MIOS: variants seen among roughly 807,000 people sequenced by gnomAD.
MIOS encodes the protein GATOR2 complex protein MIOS.
MIOS carries 52 observed loss-of-function variants against 96.9 expected under a neutral mutation model. That is an observed-to-expected ratio of 0.54 (90% CI 0.43 to 0.68). The LOEUF is 0.68. MIOS is among the 30% of genes least tolerant of loss of function. The probability of loss-of-function intolerance (pLI) is 0.00; values close to 1 mark genes in which losing one functional copy is unlikely to be tolerated. For synonymous variants in MIOS, 397 were observed against 359.5 expected, an observed-to-expected ratio of 1.10 and a Z score of -1.18; for missense variants, 1,005 against 1,052.8, an observed-to-expected ratio of 0.95 and a Z score of 0.63.
At chr7:7,590,272 A>T (rs1052013181) in intron 9 of MIOS, among the ~76,000 whole-genome samples, 1 of 152,184 alleles carries the variant, frequency 6.6e-6, no homozygotes, top group African/African-American at 2.4e-5. Flanking sequence ...TTGTGCATAT[A>T]TAGAGACACT....
chr7:7,603,938 C>A (rs1057226416), intron 11 of MIOS, among the ~76,000 whole-genome samples: 54 of 152,112 alleles, frequency 3.6e-4, no homozygotes, highest in African/African-American at 1.3e-3. Context: ...TGGAAACCAT[C>A]ATTCTCAGCA....
chr7:7,589,601 A>G, intron 9 of MIOS, 38 bp downstream of exon 9: 3 of 1,565,636 alleles, frequency 1.9e-6, no homozygotes, highest in Non-Finnish European at 2.6e-6. Flanking sequence ...AAAAAGTAAC[A>G]ATATTCTATA....
chr7:7,578,486 TGTCTCTC>T (rs1783608143), intron 5 of MIOS, among the ~76,000 whole-genome samples: 2 of 152,178 alleles, frequency 1.3e-5, no homozygotes, highest in African/African-American at 4.8e-5. Flanking sequence ...ATAGAGACCC[TGTCTCTC>T]TTTTTCTTTA....
chr7:7,573,019 G>A lies in MIOS; in HGVS notation c.544G>A (p.Gly182Arg), dbSNP rs778301974. The stretch of plus-strand genomic sequence containing the variant: ...AGTAACAAAACCACTTTATGAGTTA[G>A]GACAGAATGATGCTTGTCTGTCTCT... ...LLVTKPLYEL[G>R]QNDACLSLCW... is the part of the protein sequence containing the mutation. The change falls in exon 4 of 13, where the codon GGA becomes AGA. Residue 182 changes from glycine (G) to arginine (R), a missense_variant. Transcript: ENST00000340080. This position sits in a 1 kb window ranked among gnomAD's most constrained non-coding sequence, Gnocchi z 5.0. 1 of 1,613,864 alleles carries A rather than the reference G, an allele frequency of 6.2e-7. No individual in the cohort carries two copies. Among genetic ancestry groups the A allele is most frequent in the African/African-American group, 1.3e-5 (1 of 74,906 alleles).
chr7:7,587,067 G>C (rs1459766278), intron 7 of MIOS, among the ~76,000 whole-genome samples: 1 of 150,216 alleles, frequency 6.7e-6, no homozygotes, highest in African/African-American at 2.5e-5. Context: ...CTGGAGTGCA[G>C]TGGTGCAATG....
chr7:7,593,357 A>G (rs1219030679), intron 9 of MIOS, among the ~76,000 whole-genome samples: 1 of 152,150 alleles, frequency 6.6e-6, no homozygotes, highest in Non-Finnish European at 1.5e-5. Context: ...ATGTTGCTTC[A>G]GTTTTTGATT....
chr7:7,570,662 A>G (rs1444306162), intron 3 of MIOS, among the ~76,000 whole-genome samples: 1 of 151,846 alleles, frequency 6.6e-6, no homozygotes, highest in Non-Finnish European at 1.5e-5. Context: ...GTGACAGATC[A>G]TCAGGCATTA....
intron 7 of MIOS, among the ~76,000 whole-genome samples, chr7:7,586,896 T>C (rs1240000089): frequency 6.6e-6 from 1 of 152,184 alleles, no homozygotes; most frequent in African/African-American, 2.4e-5. Flanking sequence ...AAGTGGATTG[T>C]TAACTTCTGA....
intron 9 of MIOS, among the ~76,000 whole-genome samples, chr7:7,593,657 G>A (rs1413031900): frequency 6.6e-6 from 1 of 151,912 alleles, no homozygotes; most frequent in African/African-American, 2.4e-5. Flanking sequence ...ACTTTGGGAG[G>A]CCGAGGTGGG....
chr7:7,582,250 ATTTAG>A (rs1216488685), intron 5 of MIOS, among the ~76,000 whole-genome samples: 3 of 152,242 alleles, frequency 2.0e-5, no homozygotes, highest in African/African-American at 7.2e-5. Flanking sequence ...CTAATTCATA[ATTTAG>A]TTTATTCTGA....
chr7:7,584,916 T>C (rs886843195), intron 6 of MIOS, among the ~76,000 whole-genome samples: 1 of 152,180 alleles, frequency 6.6e-6, no homozygotes, highest in Non-Finnish European at 1.5e-5. Flanking sequence ...AAATGCTTTC[T>C]TGCAAATGGG....
At chr7:7,593,907 GAAA>G (rs1291964281) in intron 9 of MIOS, among the ~76,000 whole-genome samples, 1 of 124,122 alleles carries the variant, frequency 8.1e-6, no homozygotes, top group African/African-American at 3.5e-5. Context: ...AAAAAGAAAA[GAAA>G]AAAAGAAAAC....
Position 7,608,837 on chromosome 7 carries a change from T to C in MIOS, c.*1745T>C, listed in dbSNP as rs940820278. On this transcript the variant is annotated 3_prime_UTR_variant, in exon 13 of 13. Transcript: ENST00000340080. The stretch of plus-strand genomic sequence containing the variant: ...TAAAACATGAATGTAAAGTCTATTA[T>C]GTAATATGCTTATTTGTAATCCTAA... The C allele has an allele frequency of 4.6e-5, 7 of 152,064 alleles. No individual in the cohort carries two copies. The highest frequency in any genetic ancestry group is 1.7e-4 in the African/African-American group (7 of 41,448). 9.4% of individuals were successfully genotyped at this position (152,064 alleles called of 1,614,324 possible).
At chr7:7,581,145 A>G (rs1783711235) in intron 5 of MIOS, among the ~76,000 whole-genome samples, 1 of 150,512 alleles carries the variant, frequency 6.6e-6, no homozygotes, top group African/African-American at 2.4e-5. Flanking sequence ...AACATGGCGA[A>G]ACCCGGTCTC....
intron 7 of MIOS, 122 bp downstream of exon 7, chr7:7,585,927 A>T: frequency 1.1e-6 from 1 of 916,412 alleles, no homozygotes; most frequent in Non-Finnish European, 1.5e-6. Flanking sequence ...ATGTTATTTA[A>T]AATAAGGCAT....
chr7:7,597,968 A>G (rs1784266208), intron 11 of MIOS, among the ~76,000 whole-genome samples: 2 of 152,224 alleles, frequency 1.3e-5, no homozygotes, highest in Non-Finnish European at 1.5e-5. Context: ...CCCAGCCTAT[A>G]TTTTTTAATG....
At chr7:7,578,857 C>T (rs1783620561) in intron 5 of MIOS, among the ~76,000 whole-genome samples, 1 of 152,018 alleles carries the variant, frequency 6.6e-6, no homozygotes, top group Non-Finnish European at 1.5e-5. Context: ...ATTACAGGCG[C>T]ATGCCATTAC....
Position 7,572,662 on chromosome 7 carries a change from A to G in MIOS, c.187A>G (p.Met63Val), listed in dbSNP as rs913371922. ...LLSINSDTPYMKCVAWYLNYD... is the reference protein window; with the variant it reads ...LLSINSDTPYVKCVAWYLNYD... ...GTCAATAAATTCAGATACACCCTAT[A>G]TGAAATGTGTTGCCTGGTATCTTAA... The change falls in exon 4 of 13, where the codon ATG (methionine) becomes GTG (valine). Residue 63 changes from methionine to valine, a missense_variant. Coordinates refer to ENST00000340080, the MANE Select transcript of MIOS (RefSeq NM_019005.4). The surrounding 1 kb of genome is among the most constrained non-coding windows in gnomAD (Gnocchi z 4.8). 6.2e-7 allele frequency: 1 copy of G among 1,614,168 alleles called. No homozygotes were observed. Among genetic ancestry groups the G allele is most frequent in the Non-Finnish European group, 8.5e-7 (1 of 1,180,004 alleles).
chr7:7,579,331 G>T (rs1156385512), intron 5 of MIOS, among the ~76,000 whole-genome samples: 1 of 152,136 alleles, frequency 6.6e-6, no homozygotes, highest in African/African-American at 2.4e-5. Context: ...TTCTTAACAT[G>T]CAGGACATAT....
Sources: allele counts gnomAD v4.1 joint callset (sites outside exome capture counted in the v4.1 genomes callset), GRCh38; gene constraint gnomAD v4.1.1; non-coding constraint Gnocchi (gnomAD v3.1); transcripts MANE v1.5; gene names NCBI Gene and HGNC (gene_info 2026-07-23, HGNC 2026-07-21).